Variants in RSRC1 observed in about 807,000 individuals in gnomAD.
RSRC1 encodes the protein arginine and serine rich coiled-coil 1.
A neutral mutation model predicts 49.1 loss-of-function variants in RSRC1; 39 were observed. That is an observed-to-expected ratio of 0.79 (90% CI 0.61 to 1.04). The LOEUF is 1.04. Ranked by LOEUF, RSRC1 falls within the 50% of genes least tolerant of loss-of-function variation. The pLI is 0.00. For synonymous variants in RSRC1, 143 were observed against 130.8 expected, an observed-to-expected ratio of 1.09 and a Z score of -0.63; for missense variants, 388 against 402.4, an observed-to-expected ratio of 0.96 and a Z score of 0.31.
chr3:158,501,344 G>A (rs1439961101), intron 7 of RSRC1, among the ~76,000 whole-genome samples: 2 of 152,144 alleles, frequency 1.3e-5, no homozygotes, highest in Non-Finnish European at 2.9e-5. Flanking sequence ...GGGGTTGTTG[G>A]TTGAAATGTT....
At chr3:158,285,364 C>T (rs1726460004) in intron 4 of RSRC1, among the ~76,000 whole-genome samples, 1 of 152,166 alleles carries the variant, frequency 6.6e-6, no homozygotes, top group Non-Finnish European at 1.5e-5. Context: ...CTAGGATTGA[C>T]TTGGCAATGC....
At chr3:158,262,714 A>T (rs1724969773) in intron 4 of RSRC1, among the ~76,000 whole-genome samples, 1 of 152,106 alleles carries the variant, frequency 6.6e-6, no homozygotes, top group Admixed American at 6.5e-5. Context: ...GTCTTTATTT[A>T]TTGAGGTCTT....
At chr3:158,411,510 C>CTTTTTT (rs57004919) in intron 6 of RSRC1, among the ~76,000 whole-genome samples, 3 of 149,486 alleles carry the variant, frequency 2.0e-5, no homozygotes, top group Non-Finnish European at 4.5e-5. Context: ...TCTACTTTCT[C>CTTTTTT]TTTTTTTTTT....
chr3:158,423,635 G>A (rs1291906307), intron 6 of RSRC1, among the ~76,000 whole-genome samples: 1 of 152,118 alleles, frequency 6.6e-6, no homozygotes, highest in East Asian at 1.9e-4. Flanking sequence ...TAGCTTGATG[G>A]GGATGGCATT....
chr3:158,457,640 G>T (rs1268240010), intron 6 of RSRC1, among the ~76,000 whole-genome samples: 1 of 152,050 alleles, frequency 6.6e-6, no homozygotes, highest in East Asian at 1.9e-4. Flanking sequence ...GCCCAAAAAG[G>T]CTGACAAATA....
intron 6 of RSRC1, among the ~76,000 whole-genome samples, chr3:158,433,030 T>G (rs1416107276): frequency 6.6e-6 from 1 of 151,914 alleles, no homozygotes; most frequent in African/African-American, 2.4e-5. Context: ...TTTTTCCTTA[T>G]AAGTTATATT....
chr3:158,501,920 T>A (rs1739620782), intron 7 of RSRC1, among the ~76,000 whole-genome samples: 1 of 152,220 alleles, frequency 6.6e-6, no homozygotes, highest in South Asian at 2.1e-4. Context: ...TTTTGTTTTT[T>A]GTTTTGTTTT....
At chr3:158,381,938 T>C (rs1732724192) in intron 6 of RSRC1, among the ~76,000 whole-genome samples, 2 of 152,146 alleles carry the variant, frequency 1.3e-5, no homozygotes, top group East Asian at 3.8e-4. Flanking sequence ...TCATTTAAAT[T>C]TTTTTTGTTC....
intron 7 of RSRC1, among the ~76,000 whole-genome samples, chr3:158,481,115 C>T (rs1042619577): frequency 6.6e-6 from 1 of 151,984 alleles, no homozygotes; most frequent in Non-Finnish European, 1.5e-5. Context: ...ATTTGTGGGC[C>T]GCTAGGAAGT....
intron 3 of RSRC1, among the ~76,000 whole-genome samples, chr3:158,197,208 C>G (rs1309209248): frequency 6.6e-6 from 1 of 152,148 alleles, no homozygotes; most frequent in African/African-American, 2.4e-5. Context: ...AGGGATTCAA[C>G]TTCTTCCTGG....
intron 3 of RSRC1, among the ~76,000 whole-genome samples, chr3:158,201,122 A>C (rs1318941605): frequency 2.0e-5 from 3 of 152,130 alleles, no homozygotes; most frequent in African/African-American, 7.2e-5. Flanking sequence ...TTTGCTGGGT[A>C]TAAAATTCTA....
intron 4 of RSRC1, among the ~76,000 whole-genome samples, chr3:158,209,587 C>T (rs1368716744): frequency 6.6e-6 from 1 of 152,046 alleles, no homozygotes; most frequent in Non-Finnish European, 1.5e-5. Flanking sequence ...TTCTTCATGA[C>T]CTGCTACCAT....
At chr3:158,342,716 C>A (rs1167039159) in intron 5 of RSRC1, among the ~76,000 whole-genome samples, 1 of 152,132 alleles carries the variant, frequency 6.6e-6, no homozygotes, top group Non-Finnish European at 1.5e-5. Context: ...AGCTTCCAGT[C>A]ACGATGGAAT....
At chr3:158,305,412 A>G (rs568194572) in intron 5 of RSRC1, among the ~76,000 whole-genome samples, 3 of 152,210 alleles carry the variant, frequency 2.0e-5, no homozygotes, top group Admixed American at 6.5e-5. Context: ...AGTAACTCCC[A>G]CTTCTCATTA....
At chr3:158,336,760 A>G (rs1047778306) in intron 5 of RSRC1, 1 of 152,184 alleles carries the variant, frequency 6.6e-6, no homozygotes. Flanking sequence ...GTTCACTCAG[A>G]CTAGTGGTCT....
chr3:158,257,646 A>T (rs542616348), intron 4 of RSRC1, among the ~76,000 whole-genome samples: 1 of 151,996 alleles, frequency 6.6e-6, no homozygotes, highest in Non-Finnish European at 1.5e-5. Context: ...CAGGGTTTTT[A>T]TTGATAAATA....
At chr3:158,190,902 C>T (rs765463774) in intron 3 of RSRC1, among the ~76,000 whole-genome samples, 3 of 149,906 alleles carry the variant, frequency 2.0e-5, no homozygotes, top group African/African-American at 4.8e-5. Context: ...TGTTTAGCAT[C>T]GTGAGGTGGA....
At chr3:158,514,016 T>TAA (rs1740355332) in intron 7 of RSRC1, among the ~76,000 whole-genome samples, 1 of 152,180 alleles carries the variant, frequency 6.6e-6, no homozygotes, top group Non-Finnish European at 1.5e-5. Flanking sequence ...TTTTTTTCTT[T>TAA]ATTAGTCTTG....
chr3:158,436,750 T>C, intron 6 of RSRC1, among the ~76,000 whole-genome samples: 1 of 152,068 alleles, frequency 6.6e-6, no homozygotes, highest in Non-Finnish European at 1.5e-5. Flanking sequence ...GATAATATTG[T>C]ATATTTTATA....
Sources: allele counts gnomAD v4.1 joint callset (sites outside exome capture counted in the v4.1 genomes callset), GRCh38; gene constraint gnomAD v4.1.1; transcripts MANE v1.5; gene names NCBI Gene and HGNC (gene_info 2026-07-23, HGNC 2026-07-21).